SUGCT: variants seen among roughly 807,000 people sequenced by gnomAD.
The protein encoded by SUGCT is succinyl-CoA:glutarate-CoA transferase.
A neutral mutation model predicts 55.0 loss-of-function variants in SUGCT; 41 were observed. The ratio of observed to expected loss-of-function variants is 0.74; its 90% CI spans 0.58 to 0.97. The LOEUF (loss-of-function observed/expected upper bound fraction) is 0.97, where lower values mean the gene tolerates loss of function less well. Among genes scored for constraint, SUGCT ranks in the 50% least tolerant of loss-of-function variants. SUGCT has a pLI of 0.00. For missense variants in SUGCT, 568 were observed against 547.8 expected (o/e 1.04, Z -0.37); for synonymous variants, 187 against 200.4 (o/e 0.93, Z 0.56).
chr7:40,372,628 A>C (rs1438355600), intron 9 of SUGCT, among the ~76,000 whole-genome samples: 1 of 152,054 alleles, frequency 6.6e-6, no homozygotes, highest in Non-Finnish European at 1.5e-5. Context: ...TGTTGTGTTA[A>C]TTATTAATAG....
chr7:40,969,228 C>G, the SUGCT span, among the ~76,000 whole-genome samples: 2 of 152,244 alleles, frequency 1.3e-5, no homozygotes, highest in Admixed American at 6.5e-5. Flanking sequence ...CTTGACCTTT[C>G]AAACCCTTTC....
intron 6 of SUGCT, among the ~76,000 whole-genome samples, chr7:40,222,734 G>A (rs764452711): frequency 2.0e-5 from 3 of 152,028 alleles, no homozygotes; most frequent in East Asian, 1.9e-4. Flanking sequence ...CCTGCTACTC[G>A]AGAGGCTGAG....
intron 13 of SUGCT, among the ~76,000 whole-genome samples, chr7:40,846,375 A>G (rs1793556465): frequency 1.4e-5 from 1 of 72,410 alleles, no homozygotes; most frequent in South Asian, 4.3e-4. Context: ...CTAGTGTTGG[A>G]AAAAAAAAAA....
chr7:40,145,209 CTTA>C (rs1171491724), intron 1 of SUGCT, among the ~76,000 whole-genome samples: 2 of 152,146 alleles, frequency 1.3e-5, no homozygotes, highest in Non-Finnish European at 2.9e-5. Context: ...AATCTACATT[CTTA>C]TGCCTCATTA....
intron 6 of SUGCT, among the ~76,000 whole-genome samples, chr7:40,217,210 C>T (rs10276687): frequency 1.3e-5 from 2 of 151,696 alleles, no homozygotes; most frequent in Admixed American, 1.3e-4. Flanking sequence ...CAGAATTATT[C>T]TTCTTCTTCT....
chr7:40,350,462 C>T (rs1304112644), intron 9 of SUGCT, among the ~76,000 whole-genome samples: 1 of 151,148 alleles, frequency 6.6e-6, no homozygotes, highest in Non-Finnish European at 1.5e-5. Context: ...TACAGGTGAC[C>T]ACCGCCACAC....
chr7:40,937,204 T>C, the SUGCT span, among the ~76,000 whole-genome samples: 1 of 152,194 alleles, frequency 6.6e-6, no homozygotes, highest in Non-Finnish European at 1.5e-5. Flanking sequence ...GGTCTTGCTC[T>C]GTAGCCCAGG....
intron 9 of SUGCT, among the ~76,000 whole-genome samples, chr7:40,367,040 T>A (rs111630628): frequency 0.015 from 2,265 of 151,752 alleles, 49 homozygotes; most frequent in South Asian, 0.058. Context: ...GATAGACTGG[T>A]TTAAGAAAAT....
chr7:40,767,630 G>A (rs1319286220), intron 13 of SUGCT, among the ~76,000 whole-genome samples: 2 of 152,182 alleles, frequency 1.3e-5, no homozygotes, highest in Non-Finnish European at 2.9e-5. Flanking sequence ...CACAGTAACT[G>A]GTAAATATGG....
intron 12 of SUGCT, among the ~76,000 whole-genome samples, chr7:40,552,494 C>G (rs1019836378): frequency 2.0e-5 from 3 of 152,084 alleles, no homozygotes; most frequent in African/African-American, 7.2e-5. Context: ...CCTGCGAGGA[C>G]AGCTGGAATG....
intron 9 of SUGCT, among the ~76,000 whole-genome samples, chr7:40,370,727 T>C (rs1390097566): frequency 6.6e-6 from 1 of 152,128 alleles, no homozygotes; most frequent in Non-Finnish European, 1.5e-5. Context: ...ATTTCCTTTT[T>C]CTTTTTTTTT....
the SUGCT span, among the ~76,000 whole-genome samples, chr7:40,910,159 C>G: frequency 2.6e-5 from 4 of 151,278 alleles, 1 homozygote; most frequent in Admixed American, 2.6e-4. Context: ...TACCAGCACA[C>G]AAAGAAGGAT....
At chr7:41,001,708 T>A in the SUGCT span, among the ~76,000 whole-genome samples, 1 of 152,180 alleles carries the variant, frequency 6.6e-6, no homozygotes, top group African/African-American at 2.4e-5. Context: ...ATAAGGGCAC[T>A]AATCTGATGC....
chr7:40,768,427 C>T (rs929119660), intron 13 of SUGCT, among the ~76,000 whole-genome samples: 8 of 152,102 alleles, frequency 5.3e-5, no homozygotes, highest in Non-Finnish European at 7.4e-5. Context: ...GATGTTTCAA[C>T]TCGCCTTGGC....
At chr7:40,263,391 A>T (rs1791356024) in intron 7 of SUGCT, among the ~76,000 whole-genome samples, 1 of 152,256 alleles carries the variant, frequency 6.6e-6, no homozygotes, top group African/African-American at 2.4e-5. Flanking sequence ...TAGTTTATTA[A>T]GTGCAAAATA....
At chr7:40,597,012 T>C (rs1447406661) in intron 12 of SUGCT, among the ~76,000 whole-genome samples, 1 of 152,230 alleles carries the variant, frequency 6.6e-6, no homozygotes, top group African/African-American at 2.4e-5. Flanking sequence ...GCGAAATGAC[T>C]ATTTGATAAT....
intron 12 of SUGCT, among the ~76,000 whole-genome samples, chr7:40,517,512 A>C (rs914025508): frequency 6.6e-6 from 1 of 152,042 alleles, no homozygotes; most frequent in African/African-American, 2.4e-5. Flanking sequence ...TCAGGGTTAG[A>C]AGGTTCCTCT....
chr7:40,677,948 C>T (rs1418286139), intron 12 of SUGCT, among the ~76,000 whole-genome samples: 3 of 152,180 alleles, frequency 2.0e-5, no homozygotes, highest in Admixed American at 6.5e-5. Flanking sequence ...GTGCTGCTTC[C>T]AAAGTGGCCC....
At chr7:40,734,577 A>T (rs1363244378) in intron 12 of SUGCT, among the ~76,000 whole-genome samples, 2 of 152,128 alleles carry the variant, frequency 1.3e-5, no homozygotes, top group Non-Finnish European at 2.9e-5. Context: ...CTTTACATTC[A>T]TGCTGGTTGG....
Sources: allele counts gnomAD v4.1 joint callset (sites outside exome capture counted in the v4.1 genomes callset), GRCh38; gene constraint gnomAD v4.1.1; transcripts MANE v1.5; gene names NCBI Gene and HGNC (gene_info 2026-07-23, HGNC 2026-07-21).